PPIP5K1: variants seen among roughly 807,000 people sequenced by gnomAD.
PPIP5K1 encodes diphosphoinositol pentakisphosphate kinase 1, also known as inositol hexakisphosphate and diphosphoinositol-pentakisphosphate kinase 1.
PPIP5K1 carries 6 observed loss-of-function variants against 27.7 expected under a neutral mutation model. That is an observed-to-expected ratio of 0.22 (90% confidence interval 0.12 to 0.43). The LOEUF (loss-of-function observed/expected upper bound fraction) is 0.43, where lower values mean the gene tolerates loss of function less well. Ranked by LOEUF, PPIP5K1 falls within the 20% of genes least tolerant of loss-of-function variation. PPIP5K1 has a pLI of 1.00. For missense variants in PPIP5K1, 394 were observed against 635.4 expected, an observed-to-expected ratio of 0.62 and a Z score of 4.08; for synonymous variants, 145 against 242.6, an observed-to-expected ratio of 0.60 and a Z score of 3.74.
chr15:43,561,391 AC>A (rs111961320), intron 28 of PPIP5K1, among the ~76,000 whole-genome samples: 59,899 of 142,614 alleles, frequency 0.42, 16,204 homozygotes, highest in African/African-American at 0.8. Flanking sequence ...GTCTAACTGC[AC>A]TTTTTTCAGC....
At chr15:43,551,243 C>T (rs1417321618) in intron 30 of PPIP5K1, among the ~76,000 whole-genome samples, 2 of 151,888 alleles carry the variant, frequency 1.3e-5, no homozygotes, top group African/African-American at 2.4e-5. Context: ...TTTGGCTGGA[C>T]GCAGTGGCTT....
rs562539024 is a variant in PPIP5K1 at position 43,538,803 on chromosome 15, T to C, written c.3670+667A>G. ...CTGGGATTACAGGCGTGAGCCATCA[T>C]GCCCGGCCTCCTGCTCCCAGCTTTT... On this transcript the variant is annotated intron_variant, in intron 31 of 31. Coordinates refer to ENST00000420765, the MANE Select transcript of PPIP5K1 (RefSeq NM_001394395.1). Among the ~76,000 whole-genome samples the C allele has an allele frequency of 9.2e-5, 14 of 152,296 alleles. No individual in the cohort carries two copies. In the East Asian group the frequency reaches 2.7e-3, roughly 29 times the overall value.
chr15:43,554,634 G>GGCATACACACACACACAC (rs2082682998), intron 30 of PPIP5K1, among the ~76,000 whole-genome samples: 1 of 141,926 alleles, frequency 7.0e-6, no homozygotes, highest in African/African-American at 2.5e-5. Flanking sequence ...CACACACACA[G>GGCATACACACACACACAC]ACACACACAC....
At position 43,535,518 on chromosome 15, in the gene PPIP5K1, G is replaced by T; in HGVS notation, c.3671-42C>A. On this transcript the variant is annotated intron_variant, in intron 31 of 31. Coordinates refer to ENST00000420765, the MANE Select transcript of PPIP5K1 (RefSeq NM_001394395.1). ...AGAGATCAAGTTAGAGAAGCTGGAAGAGTAGGCTCTACCCTGTGCAGATAG... is the reference window on the plus strand; with the variant it reads ...AGAGATCAAGTTAGAGAAGCTGGAATAGTAGGCTCTACCCTGTGCAGATAG... 3 of 1,453,090 alleles carry T rather than the reference G, an allele frequency of 2.1e-6. No individual in the cohort carries two copies. In the South Asian group the frequency reaches 4.0e-5, roughly 19 times the overall value. The allele number at this position is 1,453,090 out of a possible 1,614,324, so 90.0% of individuals were successfully genotyped here.
chr15:43,553,969 G>C (rs2082594772), intron 30 of PPIP5K1, among the ~76,000 whole-genome samples: 3 of 152,012 alleles, frequency 2.0e-5, no homozygotes, highest in Non-Finnish European at 4.4e-5. Context: ...ATTCCGACGA[G>C]TTGTTCTGTC....
intron 30 of PPIP5K1, among the ~76,000 whole-genome samples, chr15:43,550,561 C>A (rs140683113): frequency 1.3e-5 from 2 of 152,082 alleles, no homozygotes; most frequent in East Asian, 1.9e-4. Context: ...GGGACCATGT[C>A]CTCTGTGAAC....
In PPIP5K1 at chr15:43,557,216, G is replaced by C. The variant is rs28491813; in HGVS notation, c.3556+1579C>G. Among the ~76,000 whole-genome samples the C allele has an allele frequency of 9.9e-4, 150 of 152,242 alleles. 2 individuals carry two copies. The highest frequency in any genetic ancestry group is 3.4e-3 in the Middle Eastern group (1 of 294). On this transcript the variant is annotated intron_variant, in intron 30 of 31. Coordinates refer to ENST00000420765, the MANE Select transcript of PPIP5K1 (RefSeq NM_001394395.1). ...ATCCCAGCACTGTGGGAACCCAAGG[G>C]GGGGTGGATCACCTGAGGTCAGGAG... is the stretch of plus-strand genomic sequence containing the variant.
chr15:43,534,684 T>G lies in PPIP5K1; in HGVS notation c.4463A>C (p.Glu1488Ala). The change falls in exon 32 of 32, where the codon GAG becomes GCG. Residue 1488 changes from glutamate to alanine, a missense_variant. This residue lies in a region of PPIP5K1 where 379 missense variants were observed against 423.9 expected (regional missense o/e 0.89). Transcript: ENST00000420765. ...GACCACCCAGGACTTCTAATTTATC[T>G]CCTCAGGGACCTCCTGGGCCTGCAG... ...IDLQAQEVPE[E>A]IN 6.6e-7 allele frequency: 1 copy of G among 1,520,538 alleles called. No individual in the cohort carries two copies. The allele number at this position is 1,520,538 out of a possible 1,614,324, so 94.2% of individuals were successfully genotyped here. A position where few individuals can be genotyped will look rare whatever the true frequency, so the allele number is the denominator to read the frequency against.
At chr15:43,545,070 C>T (rs1247154940) in intron 30 of PPIP5K1, among the ~76,000 whole-genome samples, 2 of 148,996 alleles carry the variant, frequency 1.3e-5, no homozygotes, top group Non-Finnish European at 3.0e-5. Flanking sequence ...CCCAGCTACT[C>T]AGGAGGCTGA....
chr15:43,552,977 A>G (rs1207077631), intron 30 of PPIP5K1, among the ~76,000 whole-genome samples: 1 of 152,154 alleles, frequency 6.6e-6, no homozygotes, highest in East Asian at 1.9e-4. Context: ...AGGAGGTTGC[A>G]GTGAGCTGAG....
At chr15:43,565,610 C>CA (rs2084097682) in intron 26 of PPIP5K1, among the ~76,000 whole-genome samples, 1 of 138,364 alleles carries the variant, frequency 7.2e-6, no homozygotes, top group Admixed American at 7.1e-5. Flanking sequence ...AGTGCAGTGG[C>CA]ACAATCATAG....
chr15:43,556,540 C>CAA (rs34579673), intron 30 of PPIP5K1, among the ~76,000 whole-genome samples: 2,010 of 130,496 alleles, frequency 0.015, 41 homozygotes, highest in East Asian at 0.1. Flanking sequence ...AACTCCATCT[C>CAA]AAAAAAAAAA....
At chr15:43,554,564 C>T (rs998253152) in intron 30 of PPIP5K1, among the ~76,000 whole-genome samples, 5 of 151,634 alleles carry the variant, frequency 3.3e-5, no homozygotes, top group Non-Finnish European at 5.9e-5. Flanking sequence ...TACTTTCAAC[C>T]TATTTGTGTC....
intron 31 of PPIP5K1, among the ~76,000 whole-genome samples, chr15:43,538,475 A>G (rs1188965333): frequency 2.6e-5 from 4 of 152,258 alleles, no homozygotes; most frequent in Non-Finnish European, 4.4e-5. Context: ...AACAGAGAGA[A>G]GGGTTATGTA....
chr15:43,544,169 T>C (rs2081105502), intron 30 of PPIP5K1, among the ~76,000 whole-genome samples: 1 of 152,200 alleles, frequency 6.6e-6, no homozygotes, highest in Non-Finnish European at 1.5e-5. Context: ...TTGTTAAATC[T>C]GAGGTAATAA....
At chr15:43,536,175 T>C (rs1475165668) in intron 31 of PPIP5K1, 74 of 1,033,204 alleles carry the variant, frequency 7.2e-5, no homozygotes, top group Non-Finnish European at 9.4e-5. Flanking sequence ...TCCCAGCACT[T>C]TGGGAGGCCG....
chr15:43,541,583 G>T (rs573127823), intron 30 of PPIP5K1, among the ~76,000 whole-genome samples: 1 of 152,200 alleles, frequency 6.6e-6, no homozygotes, highest in African/African-American at 2.4e-5. Context: ...CAGGCGTGGT[G>T]GTGGGCGCCT....
At chr15:43,558,193 A>T (rs1415366980) in intron 30 of PPIP5K1, among the ~76,000 whole-genome samples, 2 of 148,810 alleles carry the variant, frequency 1.3e-5, no homozygotes, top group Admixed American at 6.8e-5. Flanking sequence ...AGCAGCTGGG[A>T]CTACAGGCAC....
At chr15:43,549,846 C>G (rs2081971983) in intron 30 of PPIP5K1, among the ~76,000 whole-genome samples, 2 of 152,144 alleles carry the variant, frequency 1.3e-5, no homozygotes, top group African/African-American at 4.8e-5. Flanking sequence ...TGGTATATGC[C>G]TATAGCCCCA....
Sources: gnomAD v4.1 joint callset for allele counts (sites outside exome capture counted in the v4.1 genomes callset) on GRCh38, gnomAD v4.1.1 for gene constraint, gnomAD v4.1.1 regional missense constraint, MANE v1.5 for transcripts, NCBI Gene and HGNC (gene_info 2026-07-23, HGNC 2026-07-21) for gene names.